MAP4K4: variants seen among roughly 807,000 people sequenced by gnomAD.
MAP4K4 encodes mitogen-activated protein kinase kinase kinase kinase 4.
In MAP4K4, 38 loss-of-function variants were observed where a neutral mutation model predicts 189.6. That is an observed-to-expected ratio of 0.20 (90% CI 0.15 to 0.26). MAP4K4 has a LOEUF of 0.26. Among genes scored for constraint, MAP4K4 ranks in the 10% least tolerant of loss-of-function variants. The pLI is 1.00. For synonymous variants in MAP4K4, 610 were observed against 624.3 expected (o/e 0.98, Z 0.34); for missense variants, 1,054 against 1,726.9 (o/e 0.61, Z 6.91).
intron 12 of MAP4K4, among the ~76,000 whole-genome samples, chr2:101,854,448 A>G (rs2097382051): frequency 6.6e-6 from 1 of 152,194 alleles, no homozygotes; most frequent in Admixed American, 6.5e-5. Context: ...AGATTCCCCC[A>G]TTGAAAACCT....
exon 33 of MAP4K4, chr2:101,894,504 T>C (rs1485290709): frequency 6.5e-6 from 1 of 152,830 alleles, no homozygotes; most frequent in Non-Finnish European, 1.5e-5. Flanking sequence ...TTGCCAATTA[T>C]TAATTTGCTA....
intron 2 of MAP4K4, among the ~76,000 whole-genome samples, chr2:101,724,694 T>G (rs2054231463): frequency 6.6e-6 from 1 of 152,220 alleles, no homozygotes; most frequent in Non-Finnish European, 1.5e-5. Flanking sequence ...CTCTTCCACC[T>G]GTGGGTGATT....
Position 101,873,887 on chromosome 2 carries a change from A to G in MAP4K4, c.3070+123A>G, listed in dbSNP as rs539935643. 1.1e-4 allele frequency: 92 copies of G among 812,552 alleles called. 1 individual carries two copies. The South Asian group carries it at 1.5e-3, about 13-fold the overall frequency. The allele number at this position is 812,552 out of a possible 1,614,324, so 50.3% of individuals were successfully genotyped here. On this transcript the variant is annotated intron_variant, in intron 25 of 32. Transcript: ENST00000324219. ...CAGACCTCGGGTACAGAAACTTCCCATCCCAGTTGTATGCCTTATTTGCAA... is the reference window on the plus strand; with the variant it reads ...CAGACCTCGGGTACAGAAACTTCCCGTCCCAGTTGTATGCCTTATTTGCAA...
At chr2:101,796,330 G>A (rs751022374) in intron 3 of MAP4K4, among the ~76,000 whole-genome samples, 2 of 152,286 alleles carry the variant, frequency 1.3e-5, no homozygotes, top group South Asian at 4.1e-4. Flanking sequence ...CAGGACTGGA[G>A]CCCTCCAAAA....
intron 2 of MAP4K4, among the ~76,000 whole-genome samples, chr2:101,742,994 T>A (rs1175272552): frequency 6.6e-6 from 1 of 152,250 alleles, no homozygotes; most frequent in African/African-American, 2.4e-5. Flanking sequence ...TTATTTACTT[T>A]AAATAAATTA....
intron 2 of MAP4K4, among the ~76,000 whole-genome samples, chr2:101,730,614 A>G (rs7596440): frequency 0.062 from 9,458 of 152,230 alleles, 387 homozygotes; most frequent in African/African-American, 0.12. Flanking sequence ...ACAGGTGTTC[A>G]GTACGGGGGT....
At chr2:101,707,693 G>GTT (rs1328796064) in intron 2 of MAP4K4, among the ~76,000 whole-genome samples, 44 of 67,486 alleles carry the variant, frequency 6.5e-4, no homozygotes, top group Non-Finnish European at 8.6e-4. Flanking sequence ...TTTTTTTTTT[G>GTT]TTTTTTTTTT....
At chr2:101,749,073 G>A (rs2149914684) in intron 2 of MAP4K4, among the ~76,000 whole-genome samples, 1 of 147,950 alleles carries the variant, frequency 6.8e-6, no homozygotes, top group East Asian at 2.0e-4. Flanking sequence ...TCATGAAAAT[G>A]GCCATACTGC....
chr2:101,849,246 T>A (rs1280156558), intron 12 of MAP4K4, among the ~76,000 whole-genome samples: 1 of 152,082 alleles, frequency 6.6e-6, no homozygotes, highest in Admixed American at 6.6e-5. Context: ...GCTCTACCTC[T>A]CTAGTAGCTG....
chr2:101,856,149 A>G lies in MAP4K4; in HGVS notation c.1395+11A>G. 3 of 1,548,150 alleles carry G rather than the reference A, an allele frequency of 1.9e-6. No individual in the cohort carries two copies. Among genetic ancestry groups the G allele is most frequent in the Non-Finnish European group, 2.6e-6 (3 of 1,146,148 alleles). ...GTTGAAAGAGAACAGGTTAGTTCAC[A>G]GATAACATAGCAGGCATACACTTGT... On this transcript the variant is annotated intron_variant, in intron 13 of 32. Coordinates refer to ENST00000324219, the Ensembl canonical transcript of MAP4K4.
At chr2:101,779,669 G>A (rs1436875935) in intron 2 of MAP4K4, among the ~76,000 whole-genome samples, 1 of 152,006 alleles carries the variant, frequency 6.6e-6, no homozygotes, top group East Asian at 1.9e-4. Context: ...ATTTTAGATG[G>A]ACATGGTATG....
intron 4 of MAP4K4, 79 bp downstream of exon 4, chr2:101,824,132 G>GGGGGGGGGGAA: frequency 3.5e-5 from 2 of 56,768 alleles, no homozygotes; most frequent in South Asian, 5.2e-4. Context: ...GGGGGCGGGG[G>GGGGGGGGGGAA]AAAGAGGGGG....
chr2:101,887,746 G>A (rs964343556), intron 30 of MAP4K4, 32 bp from the exon 31 acceptor site: 23 of 1,569,308 alleles, frequency 1.5e-5, no homozygotes, highest in East Asian at 4.5e-5. Context: ...AACCACAGAC[G>A]TTCTTCCCTG....
At chr2:101,701,738 T>A (rs1168145243) in intron 2 of MAP4K4, among the ~76,000 whole-genome samples, 1 of 152,226 alleles carries the variant, frequency 6.6e-6, no homozygotes, top group African/African-American at 2.4e-5. Context: ...AAATTTCTCT[T>A]CACAAGGTTA....
intron 2 of MAP4K4, among the ~76,000 whole-genome samples, chr2:101,788,103 CTT>C (rs112653226): frequency 1.4e-5 from 2 of 145,400 alleles, no homozygotes; most frequent in Non-Finnish European, 3.0e-5. Flanking sequence ...TTCACCTGGC[CTT>C]TTTTTTTTTT....
At chr2:101,880,451 C>A (rs2098351696) in intron 27 of MAP4K4, among the ~76,000 whole-genome samples, 1 of 151,664 alleles carries the variant, frequency 6.6e-6, no homozygotes, top group Non-Finnish European at 1.5e-5. Context: ...AAAAGACTAA[C>A]CTTTCTCCAT....
intron 2 of MAP4K4, among the ~76,000 whole-genome samples, chr2:101,764,095 G>T (rs761144606): frequency 5.3e-5 from 8 of 152,028 alleles, no homozygotes; most frequent in Admixed American, 2.0e-4. Context: ...CCTAAGGAGG[G>T]TTTATTTAAC....
chr2:101,792,630 T>TCCTCCTCCTC (rs1558948750), intron 3 of MAP4K4, among the ~76,000 whole-genome samples: 6 of 114,802 alleles, frequency 5.2e-5, no homozygotes, highest in African/African-American at 1.3e-4. Flanking sequence ...TCCTCCTCCT[T>TCCTCCTCCTC]CTTCTTTCTT....
chr2:101,728,024 G>T (rs989698856), intron 2 of MAP4K4, among the ~76,000 whole-genome samples: 1 of 152,188 alleles, frequency 6.6e-6, no homozygotes, highest in Non-Finnish European at 1.5e-5. Flanking sequence ...GGGAGAAAAC[G>T]TGTAGCATCA....
Sources: gnomAD v4.1 joint callset for allele counts (sites outside exome capture counted in the v4.1 genomes callset) on GRCh38, gnomAD v4.1.1 for gene constraint, MANE v1.5 for transcripts, NCBI Gene and HGNC (gene_info 2026-07-23, HGNC 2026-07-21) for gene names.